Variants in ASTN2 observed in about 807,000 individuals in gnomAD.
ASTN2 encodes the protein astrotactin 2, also known as astrotactin-2.
Under a neutral mutation model 139.8 loss-of-function variants are expected in ASTN2, and 54 were observed. The observed-to-expected ratio is 0.39, with a 90% CI of 0.31 to 0.48. The LOEUF is 0.48. ASTN2 is among the 20% of genes least tolerant of loss of function. The pLI, the probability that ASTN2 is intolerant of heterozygous loss-of-function variation, is 0.95. For synonymous variants in ASTN2, 756 were observed against 719.5 expected, an observed-to-expected ratio of 1.05 and a Z score of -0.81; for missense variants, 1,565 against 1,725.1, an observed-to-expected ratio of 0.91 and a Z score of 1.64.
intron 11 of ASTN2, among the ~76,000 whole-genome samples, chr9:116,834,111 GCT>G (rs754343871): frequency 1.2e-4 from 19 of 152,266 alleles, no homozygotes; most frequent in Admixed American, 7.2e-4. Context: ...AGCTGTTATT[GCT>G]CTGTTATTGC....
intron 5 of ASTN2, among the ~76,000 whole-genome samples, chr9:117,075,711 T>C (rs1828264317): frequency 6.6e-6 from 1 of 152,146 alleles, no homozygotes; most frequent in Non-Finnish European, 1.5e-5. Context: ...ACCTTCTATA[T>C]AATTTGAGGT....
chr9:116,847,170 C>T (rs1250829341), intron 11 of ASTN2, among the ~76,000 whole-genome samples: 1 of 152,130 alleles, frequency 6.6e-6, no homozygotes, highest in African/African-American at 2.4e-5. Context: ...GACTGGAGTG[C>T]AGTGGCACAA....
At chr9:117,316,728 G>A (rs1001547622) in intron 1 of ASTN2, among the ~76,000 whole-genome samples, 1 of 152,146 alleles carries the variant, frequency 6.6e-6, no homozygotes, top group Non-Finnish European at 1.5e-5. Flanking sequence ...CCCATTTCAG[G>A]TTTCCATATG....
At chr9:117,108,517 G>T (rs2132781379) in intron 4 of ASTN2, among the ~76,000 whole-genome samples, 1 of 150,242 alleles carries the variant, frequency 6.7e-6, no homozygotes, top group Middle Eastern at 3.4e-3. Context: ...GCCTAGAAGT[G>T]GACATGCACT....
At chr9:117,064,231 G>T (rs12349133) in intron 5 of ASTN2, among the ~76,000 whole-genome samples, 1 of 151,840 alleles carries the variant, frequency 6.6e-6, no homozygotes, top group Non-Finnish European at 1.5e-5. Context: ...CTGTTATCAC[G>T]GTCCAGCCAG....
At chr9:116,986,165 C>G (rs1836674246) in intron 7 of ASTN2, among the ~76,000 whole-genome samples, 1 of 128,862 alleles carries the variant, frequency 7.8e-6, no homozygotes. Flanking sequence ...AGGCTGCCCC[C>G]CCCCACCCCC....
rs771241859 is a variant in ASTN2, at chr9:116,975,286, G to A, written c.1811C>T (p.Pro604Leu). ...GGGGTTGATGGACAGCTCCACAGGC[G>A]GAACCACAAAGCTTTTGCTGACAGG... Reference protein sequence around the residue: ...WLPVSKSFVVPPVELSINPLA... With the variant: ...WLPVSKSFVVLPVELSINPLA... The change falls in exon 10 of 23, where the codon CCG becomes CTG. Residue 604 changes from proline to leucine, a missense_variant. By Grantham distance (98) the Pro-to-Leu change is moderately conservative. Coordinates refer to ENST00000313400, the MANE Select transcript of ASTN2 (RefSeq NM_001365068.1). 30 of 1,613,356 alleles carry A rather than the reference G, an allele frequency of 1.9e-5. No individual in the cohort carries two copies. Among genetic ancestry groups the A allele is most frequent in the South Asian group, 5.5e-5 (5 of 90,946 alleles).
intron 20 of ASTN2, among the ~76,000 whole-genome samples, chr9:116,485,986 CACTT>C (rs998151819): frequency 1.3e-5 from 2 of 152,208 alleles, no homozygotes; most frequent in Admixed American, 6.5e-5. Context: ...GAAGGACTAA[CACTT>C]ACTGAGCACA....
At chr9:116,867,508 C>T (rs1833045255) in intron 10 of ASTN2, among the ~76,000 whole-genome samples, 1 of 144,890 alleles carries the variant, frequency 6.9e-6, no homozygotes, top group Non-Finnish European at 1.5e-5. Context: ...CAAGATCGCG[C>T]CACTGCACTC....
At chr9:116,505,263 C>A (rs574427669) in intron 19 of ASTN2, among the ~76,000 whole-genome samples, 3 of 151,912 alleles carry the variant, frequency 2.0e-5, no homozygotes, top group African/African-American at 7.2e-5. Flanking sequence ...ATGAATGGAA[C>A]CATCTAGATC....
chr9:117,078,703 A>C (rs1397859075), intron 5 of ASTN2, among the ~76,000 whole-genome samples: 1 of 152,124 alleles, frequency 6.6e-6, no homozygotes, highest in Non-Finnish European at 1.5e-5. Context: ...ATGATTCTCA[A>C]CTATGGCTGT....
intron 11 of ASTN2, among the ~76,000 whole-genome samples, chr9:116,830,754 T>TGCACTCCAGCCTG (rs1831786655): frequency 7.1e-6 from 1 of 141,704 alleles, no homozygotes; most frequent in African/African-American, 2.7e-5. Flanking sequence ...ATCGCGCCAC[T>TGCACTCCAGCCTG]GCACTCCAGC....
chr9:117,305,396 G>C (rs1262404654), intron 1 of ASTN2, among the ~76,000 whole-genome samples: 1 of 152,162 alleles, frequency 6.6e-6, no homozygotes, highest in Non-Finnish European at 1.5e-5. Context: ...CTGAAACCAA[G>C]AGGCTCAACA....
chr9:116,813,317 T>C (rs935393101), intron 12 of ASTN2, among the ~76,000 whole-genome samples: 4 of 152,238 alleles, frequency 2.6e-5, no homozygotes, highest in African/African-American at 4.8e-5. Flanking sequence ...TAAAACCTTC[T>C]ATGTGTTTAG....
At chr9:116,823,830 A>G (rs971903424) in intron 11 of ASTN2, among the ~76,000 whole-genome samples, 1 of 152,212 alleles carries the variant, frequency 6.6e-6, no homozygotes, top group African/African-American at 2.4e-5. Flanking sequence ...ACCAGTTACC[A>G]TCATTCCTTC....
At position 116,699,233 on chromosome 9, in the gene ASTN2, A is replaced by G. The variant is rs774265676; in HGVS notation, c.2806+26538T>C. ...AAGGTGGAAAGCTTTGGTGTTTCAC[A>G]GTTGATCGAGGATCAGGGGTGGTCA... On this transcript the variant is annotated intron_variant, in intron 16 of 22. Transcript: ENST00000313400. The surrounding 1 kb of genome is among the most constrained non-coding windows in gnomAD (Gnocchi z 4.2). 1.9e-5 allele frequency: 30 copies of G among 1,614,142 alleles called. No individual in the cohort carries two copies. The highest frequency in any genetic ancestry group is 2.5e-5 in the Non-Finnish European group (29 of 1,180,058).
intron 17 of ASTN2, among the ~76,000 whole-genome samples, chr9:116,633,672 A>G (rs1001516507): frequency 6.6e-6 from 1 of 152,178 alleles, no homozygotes; most frequent in Non-Finnish European, 1.5e-5. Flanking sequence ...TTCTGTGGCC[A>G]CTGATGATTT....
At chr9:116,961,461 T>C (rs1835873887) in intron 10 of ASTN2, among the ~76,000 whole-genome samples, 1 of 152,200 alleles carries the variant, frequency 6.6e-6, no homozygotes. Flanking sequence ...ATAAGTGGAA[T>C]CATACAGTGT....
chr9:116,533,635 T>C (rs1369600898), intron 19 of ASTN2, among the ~76,000 whole-genome samples: 1 of 152,266 alleles, frequency 6.6e-6, no homozygotes, highest in Admixed American at 6.5e-5. Context: ...ATTTTTGTCA[T>C]TGGTTCTGTT....
Sources: allele counts gnomAD v4.1 joint callset (sites outside exome capture counted in the v4.1 genomes callset), GRCh38; gene constraint gnomAD v4.1.1; non-coding constraint Gnocchi (gnomAD v3.1); transcripts MANE v1.5; gene names NCBI Gene and HGNC (gene_info 2026-07-23, HGNC 2026-07-21).